FERRY3: variants seen among roughly 807,000 people sequenced by gnomAD.
FERRY3 encodes the protein protein C12orf4.
At chr12:4,517,250 C>A in the FERRY3 span, 1 of 1,388,206 alleles carries the variant, frequency 7.2e-7, no homozygotes, top group East Asian at 2.6e-5. Context: ...TTAGTATTTA[C>A]TTACAATGAG....
At chr12:4,527,860 T>C in the FERRY3 span, among the ~76,000 whole-genome samples, 1 of 151,840 alleles carries the variant, frequency 6.6e-6, no homozygotes, top group East Asian at 1.9e-4. Context: ...CCAAATATGA[T>C]TTCAAACAAT....
At chr12:4,530,054 C>A in the FERRY3 span, 1 of 1,605,324 alleles carries the variant, frequency 6.2e-7, no homozygotes, top group African/African-American at 1.3e-5. Context: ...ACGTGGTCTA[C>A]AAGATAATAT....
At chr12:4,512,400 A>G in the FERRY3 span, among the ~76,000 whole-genome samples, 1 of 152,270 alleles carries the variant, frequency 6.6e-6, no homozygotes, top group Non-Finnish European at 1.5e-5. Flanking sequence ...TGAGGCCAGC[A>G]TCATTCTGAT....
At chr12:4,489,844 C>T in the FERRY3 span, 97 of 1,610,840 alleles carry the variant, frequency 6.0e-5, no homozygotes, top group Non-Finnish European at 7.7e-5. Flanking sequence ...TGATGATACT[C>T]GGAAGATCTG....
At chr12:4,510,748 C>G in the FERRY3 span, among the ~76,000 whole-genome samples, 3 of 146,308 alleles carry the variant, frequency 2.1e-5, no homozygotes, top group Non-Finnish European at 3.0e-5. Context: ...GAAGGAAGCG[C>G]TAAACATGGA....
chr12:4,495,843 T>C, the FERRY3 span, among the ~76,000 whole-genome samples: 1 of 152,216 alleles, frequency 6.6e-6, no homozygotes, highest in African/African-American at 2.4e-5. Context: ...CAGAATTTGG[T>C]ATGAATTAAT....
chr12:4,536,837 A>C, the FERRY3 span, among the ~76,000 whole-genome samples: 1 of 152,368 alleles, frequency 6.6e-6, no homozygotes, highest in Admixed American at 6.5e-5. Context: ...TTAAAGATTT[A>C]TTTATTCATC....
At chr12:4,535,488 A>T in the FERRY3 span, among the ~76,000 whole-genome samples, 1 of 152,200 alleles carries the variant, frequency 6.6e-6, no homozygotes, top group Admixed American at 6.5e-5. This position sits in a 1 kb window ranked among gnomAD's most constrained non-coding sequence, Gnocchi z 4.0. Context: ...TATAACTCTA[A>T]CCTGTGATCT....
At chr12:4,499,799 G>A in the FERRY3 span, among the ~76,000 whole-genome samples, 2 of 152,108 alleles carry the variant, frequency 1.3e-5, no homozygotes, top group African/African-American at 4.8e-5. Context: ...AGAAGAAAGA[G>A]GGGTAAGAAG....
At chr12:4,498,419 T>C in the FERRY3 span, among the ~76,000 whole-genome samples, 1 of 152,150 alleles carries the variant, frequency 6.6e-6, no homozygotes, top group Non-Finnish European at 1.5e-5. Flanking sequence ...TTTATAAAGC[T>C]ACAGTAGGGA....
the FERRY3 span, chr12:4,530,058 A>G: frequency 6.2e-7 from 1 of 1,600,260 alleles, no homozygotes; most frequent in Non-Finnish European, 8.5e-7. Flanking sequence ...GGTCTACAAG[A>G]TAATATACAG....
the FERRY3 span, among the ~76,000 whole-genome samples, chr12:4,526,889 GAT>G: frequency 1.3e-5 from 2 of 149,876 alleles, no homozygotes; most frequent in Non-Finnish European, 3.0e-5. Context: ...CACTGATTAA[GAT>G]ATATATATAT....
chr12:4,516,426 G>C, the FERRY3 span, among the ~76,000 whole-genome samples: 1 of 152,124 alleles, frequency 6.6e-6, no homozygotes, highest in African/African-American at 2.4e-5. Flanking sequence ...CATGGTCTTC[G>C]CAGTACTATT....
At chr12:4,526,503 A>G in the FERRY3 span, among the ~76,000 whole-genome samples, 3 of 152,234 alleles carry the variant, frequency 2.0e-5, no homozygotes, top group African/African-American at 7.2e-5. Context: ...GATATAAACT[A>G]AGAGGATTTT....
chr12:4,533,354 T>C, the FERRY3 span, among the ~76,000 whole-genome samples: 44 of 152,316 alleles, frequency 2.9e-4, no homozygotes, highest in African/African-American at 1.0e-3. Context: ...CTCTTTATAT[T>C]CGAACTTCTT....
the FERRY3 span, among the ~76,000 whole-genome samples, chr12:4,503,848 A>T: frequency 1.3e-5 from 2 of 151,832 alleles, no homozygotes; most frequent in Non-Finnish European, 2.9e-5. Context: ...AAACACATAT[A>T]GCAACAAAGA....
At chr12:4,528,038 A>T in the FERRY3 span, among the ~76,000 whole-genome samples, 1 of 152,174 alleles carries the variant, frequency 6.6e-6, no homozygotes, top group Non-Finnish European at 1.5e-5. Context: ...ATAGACTATT[A>T]ATGGCTAGAT....
the FERRY3 span, among the ~76,000 whole-genome samples, chr12:4,500,644 CAAATT>C: frequency 1.5e-4 from 23 of 151,674 alleles, no homozygotes; most frequent in African/African-American, 5.1e-4. Context: ...CCCAAGATGT[CAAATT>C]AATTAATTAA....
the FERRY3 span, among the ~76,000 whole-genome samples, chr12:4,493,462 AC>A: frequency 1.3e-5 from 2 of 152,222 alleles, no homozygotes; most frequent in African/African-American, 4.8e-5. Flanking sequence ...ATAGGAAGCT[AC>A]TTTTAAATTT....
Sources: allele counts gnomAD v4.1 joint callset (sites outside exome capture counted in the v4.1 genomes callset), GRCh38; gene constraint gnomAD v4.1.1; non-coding constraint Gnocchi (gnomAD v3.1); transcripts MANE v1.5; gene names NCBI Gene and HGNC (gene_info 2026-07-23, HGNC 2026-07-21).